Variants in HK1 observed in about 807,000 individuals in gnomAD.
The protein encoded by HK1 is hexokinase-1.
Under a neutral mutation model 91.6 loss-of-function variants are expected in HK1, and 28 were observed. The ratio of observed to expected loss-of-function variants is 0.31; its 90% CI spans 0.23 to 0.42. The LOEUF (loss-of-function observed/expected upper bound fraction) is 0.42, where lower values mean the gene tolerates loss of function less well. Ranked by LOEUF, HK1 falls within the 10% of genes least tolerant of loss-of-function variation. HK1 has a pLI of 1.00. For synonymous variants in HK1, 430 were observed against 468.1 expected (o/e 0.92, Z 1.05); for missense variants, 770 against 1,219.8 (o/e 0.63, Z 5.49).
chr10:69,284,232 G>A (rs1188866519), intron 2 of HK1, among the ~76,000 whole-genome samples: 1 of 152,196 alleles, frequency 6.6e-6, no homozygotes, highest in Non-Finnish European at 1.5e-5. Context: ...ACAGCCATAT[G>A]ACCTTGGGAA....
At chr10:69,304,129 T>C (rs561143089) in intron 5 of HK1, among the ~76,000 whole-genome samples, 7 of 152,320 alleles carry the variant, frequency 4.6e-5, no homozygotes, top group African/African-American at 1.4e-4. Flanking sequence ...GTCAGAATCT[T>C]GTAGCCTCCA....
chr10:69,377,427 C>T (rs181059858), intron 8 of HK1, among the ~76,000 whole-genome samples: 7 of 150,372 alleles, frequency 4.7e-5, no homozygotes, highest in African/African-American at 7.3e-5. Flanking sequence ...GCAGACTATT[C>T]GAGCAAGGAG....
At chr10:69,302,787 C>T (rs1030985242) in intron 5 of HK1, among the ~76,000 whole-genome samples, 1 of 149,496 alleles carries the variant, frequency 6.7e-6, no homozygotes, top group African/African-American at 2.5e-5. Flanking sequence ...TTGTAGGTTT[C>T]ATTTGTTTGC....
rs948378206 is a variant in HK1 at position 69,301,894 on chromosome 10, G to A, written c.27+1033G>A. 9.2e-5 allele frequency among the ~76,000 whole-genome samples: 14 copies of A among 152,034 alleles called. 1 individual carries two copies. Among genetic ancestry groups the A allele is most frequent in the South Asian group, 6.2e-4 (3 of 4,824 alleles). The stretch of plus-strand genomic sequence containing the variant: ...TTCATATGAAAATGGAAGGGGTGCC[G>A]AATAGCCAAAACAATCTTGAATAAG... On this transcript the variant is annotated intron_variant, in intron 5 of 21. Transcript: ENST00000360289.
chr10:69,311,091 C>G (rs1846355370), upstream of HK1, among the ~76,000 whole-genome samples: 1 of 151,302 alleles, frequency 6.6e-6, no homozygotes, highest in Non-Finnish European at 1.5e-5. Context: ...GTTGTGGAGA[C>G]CAAGGTTTTA....
At chr10:69,316,166 G>C (rs74138358), upstream of HK1, 313 of 768,792 alleles carry the variant, frequency 4.1e-4, no homozygotes, top group African/African-American at 4.6e-3. Flanking sequence ...AGAGGATGGT[G>C]GGAAGTGGCC....
At chr10:69,303,849 T>G (rs1012563673) in intron 5 of HK1, among the ~76,000 whole-genome samples, 1 of 152,180 alleles carries the variant, frequency 6.6e-6, no homozygotes, top group African/African-American at 2.4e-5. Context: ...CCTTGAGCAT[T>G]TGGGGATTGG....
intron 5 of HK1, among the ~76,000 whole-genome samples, chr10:69,310,245 A>G (rs1846304961): frequency 6.8e-6 from 1 of 147,882 alleles, no homozygotes; most frequent in Non-Finnish European, 1.5e-5. Flanking sequence ...ACATGGCAAA[A>G]CTCCCTCTCT....
At chr10:69,317,368 T>G (rs1431411136), upstream of HK1, among the ~76,000 whole-genome samples, 1 of 151,554 alleles carries the variant, frequency 6.6e-6, no homozygotes, top group Non-Finnish European at 1.5e-5. Flanking sequence ...AGGCAGGGGG[T>G]GGGGACTGTG....
intron 2 of HK1, among the ~76,000 whole-genome samples, chr10:69,353,537 A>G (rs142034025): frequency 6.6e-6 from 1 of 151,952 alleles, no homozygotes; most frequent in East Asian, 1.9e-4. Flanking sequence ...AGGCTGCAGT[A>G]AGCTGTGATC....
exon 1 of HK1, chr10:69,270,104 A>G (rs1386937204): frequency 6.6e-6 from 1 of 152,280 alleles, no homozygotes; most frequent in African/African-American, 2.4e-5. Flanking sequence ...CAACCATGCA[A>G]CAAGGTAAAT....
intron 1 of HK1, chr10:69,278,382 C>T (rs940527463): frequency 2.0e-5 from 3 of 152,218 alleles, no homozygotes; most frequent in African/African-American, 4.8e-5. Flanking sequence ...ACTCACCCAT[C>T]CCATTTTCCT....
At chr10:69,338,564 CT>C (rs1848118432) in intron 1 of HK1, 3 of 1,289,704 alleles carry the variant, frequency 2.3e-6, no homozygotes, top group Non-Finnish European at 3.0e-6. Flanking sequence ...TCCTCCCCAA[CT>C]CCCAAATGGA....
chr10:69,318,446 C>T (rs1223730272), upstream of HK1, among the ~76,000 whole-genome samples: 1 of 152,218 alleles, frequency 6.6e-6, no homozygotes, highest in Non-Finnish European at 1.5e-5. Context: ...AGTCCCTAGA[C>T]TAGCCCTAGG....
chr10:69,280,000 T>C (rs1028319560), intron 1 of HK1, among the ~76,000 whole-genome samples: 1 of 152,218 alleles, frequency 6.6e-6, no homozygotes, highest in Non-Finnish European at 1.5e-5. Flanking sequence ...TTGTCATCCT[T>C]GGGCAGACAC....
intron 1 of HK1, among the ~76,000 whole-genome samples, chr10:69,329,236 C>A (rs902319152): frequency 6.6e-6 from 1 of 151,406 alleles, no homozygotes; most frequent in African/African-American, 2.4e-5. Flanking sequence ...AATCTTGGCT[C>A]AGTGCAACCT....
intron 1 of HK1, among the ~76,000 whole-genome samples, chr10:69,319,782 A>T (rs1017614472): frequency 8.5e-5 from 13 of 152,190 alleles, no homozygotes; most frequent in Non-Finnish European, 1.8e-4. Context: ...TGCCTTTGAC[A>T]TCTTAGTGTA....
intron 2 of HK1, among the ~76,000 whole-genome samples, chr10:69,357,848 G>A (rs1445114150): frequency 6.6e-6 from 1 of 152,114 alleles, no homozygotes; most frequent in Non-Finnish European, 1.5e-5. Context: ...GAAGGATGAG[G>A]GGCTTGGGAG....
At chr10:69,381,189 G>A (rs1360816032) in intron 9 of HK1, among the ~76,000 whole-genome samples, 1 of 152,066 alleles carries the variant, frequency 6.6e-6, no homozygotes, top group African/African-American at 2.4e-5. Flanking sequence ...TTGGGAGGCT[G>A]AGGTGGGAGG....
Sources: gnomAD v4.1 joint callset for allele counts (sites outside exome capture counted in the v4.1 genomes callset) on GRCh38, gnomAD v4.1.1 for gene constraint, MANE v1.5 for transcripts, NCBI Gene and HGNC (gene_info 2026-07-23, HGNC 2026-07-21) for gene names.